Variants in TTC7B observed in about 807,000 individuals in gnomAD.
TTC7B encodes the protein tetratricopeptide repeat protein 7B.
In TTC7B, 28 loss-of-function variants were observed where a neutral mutation model predicts 106.8. The ratio of observed to expected loss-of-function variants is 0.26; its 90% CI spans 0.19 to 0.36. TTC7B has a LOEUF of 0.36. Among genes scored for constraint, TTC7B ranks in the 10% least tolerant of loss-of-function variants. The probability of loss-of-function intolerance (pLI) is 1.00; values close to 1 mark genes in which losing one functional copy is unlikely to be tolerated. For missense variants in TTC7B, 862 were observed against 1,076.4 expected (o/e 0.80, Z 2.79); for synonymous variants, 405 against 430.6 (o/e 0.94, Z 0.74).
intron 6 of TTC7B, among the ~76,000 whole-genome samples, chr14:90,694,879 C>T (rs1280341852): frequency 1.7e-5 from 1 of 57,826 alleles, no homozygotes; most frequent in Non-Finnish European, 3.7e-5. Context: ...AAATATATGT[C>T]ACATATATTT....
At chr14:90,726,659 A>T (rs1385982602) in intron 5 of TTC7B, among the ~76,000 whole-genome samples, 1 of 152,150 alleles carries the variant, frequency 6.6e-6, no homozygotes, top group African/African-American at 2.4e-5. Context: ...CAGATAAAGA[A>T]CCTGAGACTC....
At chr14:90,683,785 C>T (rs1308134896) in intron 7 of TTC7B, among the ~76,000 whole-genome samples, 1 of 152,124 alleles carries the variant, frequency 6.6e-6, no homozygotes, top group Non-Finnish European at 1.5e-5. Flanking sequence ...TCCACAACTC[C>T]AAGGTGGGCT....
At position 90,573,549 on chromosome 14, in the gene TTC7B, TCCGGC is replaced by T. The variant is rs1306732555; in HGVS notation, c.2310+4552_2310+4556del. Among the ~76,000 whole-genome samples the T allele has an allele frequency of 1.3e-3, 121 of 89,656 alleles. 1 individual carries two copies. The highest frequency in any genetic ancestry group is 5.8e-3 in the African/African-American group (112 of 19,384). The allele number at this position is 89,656 out of a possible 152,430, so 58.8% of individuals were successfully genotyped here. A position where few individuals can be genotyped will look rare whatever the true frequency, so the allele number is the denominator to read the frequency against. On this transcript the variant is annotated intron_variant, in intron 19 of 19. Coordinates refer to ENST00000328459, the MANE Select transcript of TTC7B (RefSeq NM_001010854.2). ...GGTCTCTCTCAGCTCACGGTCCCTCTCCGGCTCACGGTCCCTCTCCGGCTCACGGT... is the reference window on the plus strand; with the variant it reads ...GGTCTCTCTCAGCTCACGGTCCCTCTTCACGGTCCCTCTCCGGCTCACGGT...
chr14:90,678,184 T>G (rs548803105), intron 8 of TTC7B, among the ~76,000 whole-genome samples: 1 of 152,342 alleles, frequency 6.6e-6, no homozygotes, highest in Non-Finnish European at 1.5e-5. Context: ...ATATAGAACC[T>G]CAAACAGACC....
chr14:90,583,013 A>G (rs1891564487), intron 18 of TTC7B, among the ~76,000 whole-genome samples: 1 of 152,224 alleles, frequency 6.6e-6, no homozygotes, highest in South Asian at 2.1e-4. Flanking sequence ...GAACGAGGCC[A>G]CAAGTATTGA....
Position 90,786,283 on chromosome 14 carries a change from T to A in TTC7B, c.167A>T (p.Tyr56Phe). The A allele has an allele frequency of 1.9e-6, 3 of 1,613,368 alleles. No individual in the cohort carries two copies. The highest frequency in any genetic ancestry group is 2.5e-6 in the Non-Finnish European group (3 of 1,179,712). ...LLLGESKLEQ[Y>F]LKEHPLRQGA... is the part of the protein sequence containing the mutation. ...CTGCCTCAGGGGGTGTTCCTTCAGG[T>A]ACTGCTCCAGCTTCGACTCCCCGAG... Residue 56 changes from tyrosine (Y) to phenylalanine (F), a missense_variant, in exon 2 of 20, where the codon TAC becomes TTC. Tyr to Phe is a conservative substitution (Grantham distance 22). Coordinates refer to ENST00000328459, the MANE Select transcript of TTC7B (RefSeq NM_001010854.2).
chr14:90,609,686 C>A (rs549522851), intron 17 of TTC7B, among the ~76,000 whole-genome samples: 1 of 152,266 alleles, frequency 6.6e-6, no homozygotes, highest in South Asian at 2.1e-4. Flanking sequence ...CAGTTGTACA[C>A]GGTCCCCTGT....
rs1889562091 is a variant in TTC7B at position 90,541,173 on chromosome 14, G to A, written c.*195C>T. ...TAGGTTCAGAAACTACCATTGGGCT[G>A]GCAAAAAAAACAAGAGAAACGCACA... On this transcript the variant is annotated 3_prime_UTR_variant, in exon 20 of 20. Coordinates refer to ENST00000328459, the MANE Select transcript of TTC7B (RefSeq NM_001010854.2). 2 of 491,736 alleles carry A rather than the reference G, an allele frequency of 4.1e-6. No individual in the cohort carries two copies. The highest frequency in any genetic ancestry group is 7.2e-6 in the Non-Finnish European group (2 of 278,736). 30.5% of individuals were successfully genotyped at this position (491,736 alleles called of 1,614,324 possible).
At chr14:90,656,905 T>C (rs911231730) in intron 11 of TTC7B, among the ~76,000 whole-genome samples, 7 of 152,230 alleles carry the variant, frequency 4.6e-5, no homozygotes, top group Admixed American at 2.0e-4. Context: ...GTATGAATTA[T>C]AATTCTGTCT....
At chr14:90,793,395 G>A (rs1051570253) in intron 1 of TTC7B, among the ~76,000 whole-genome samples, 2 of 150,772 alleles carry the variant, frequency 1.3e-5, no homozygotes, top group Non-Finnish European at 3.0e-5. Flanking sequence ...GTGGTGGCAG[G>A]TGCCTGTAAT....
At chr14:90,547,599 C>T (rs751890409) in intron 19 of TTC7B, among the ~76,000 whole-genome samples, 4 of 152,100 alleles carry the variant, frequency 2.6e-5, no homozygotes, top group African/African-American at 4.8e-5. Context: ...AGTTCGAGAC[C>T]GACCTGGGCA....
At chr14:90,603,826 T>C (rs1331307132) in intron 17 of TTC7B, among the ~76,000 whole-genome samples, 1 of 152,202 alleles carries the variant, frequency 6.6e-6, no homozygotes, top group Non-Finnish European at 1.5e-5. Flanking sequence ...GTCAGTATGT[T>C]TTCCCCCCTC....
intron 15 of TTC7B, among the ~76,000 whole-genome samples, chr14:90,626,190 C>T (rs976858291): frequency 2.6e-5 from 4 of 152,232 alleles, no homozygotes. Context: ...GGGAAGAGTT[C>T]TCACAGTCCC....
At chr14:90,768,357 G>GGAGA (rs142344466) in intron 3 of TTC7B, among the ~76,000 whole-genome samples, 1 of 151,012 alleles carries the variant, frequency 6.6e-6, no homozygotes, top group Non-Finnish European at 1.5e-5. Context: ...AGGCAGTGGG[G>GGAGA]GAGAGAGAGA....
In TTC7B at chr14:90,749,308, C is replaced by T. The variant is rs147080766; in HGVS notation, c.446-4386G>A. Among the ~76,000 whole-genome samples the T allele has an allele frequency of 2.0e-3, 299 of 152,218 alleles. 5 individuals carry two copies. The highest frequency in any genetic ancestry group is 7.0e-3 in the African/African-American group (291 of 41,552). On this transcript the variant is annotated intron_variant, in intron 3 of 19. Transcript: ENST00000328459. Reference sequence around the variant, plus strand: ...CTTCAAAAATGTTTATGTCACCCTCCTCCTTCCTTAGGGGACTTTACGCAC... The same window carrying T: ...CTTCAAAAATGTTTATGTCACCCTCTTCCTTCCTTAGGGGACTTTACGCAC...
At chr14:90,568,103 C>T (rs1890875149) in intron 19 of TTC7B, among the ~76,000 whole-genome samples, 2 of 152,302 alleles carry the variant, frequency 1.3e-5, no homozygotes, top group South Asian at 2.1e-4. Context: ...CACAGAATGC[C>T]ACATTCTGAG....
At chr14:90,703,995 T>C (rs1888105138) in intron 5 of TTC7B, among the ~76,000 whole-genome samples, 1 of 152,170 alleles carries the variant, frequency 6.6e-6, no homozygotes, top group East Asian at 1.9e-4. Flanking sequence ...GTGAGCCATC[T>C]GGGAACATGG....
Position 90,760,741 on chromosome 14 carries a change from T to C in TTC7B, c.446-15819A>G, listed in dbSNP as rs139355655. 7.5e-3 allele frequency among the ~76,000 whole-genome samples: 1,140 copies of C among 152,324 alleles called. 10 individuals are homozygous for C. The highest frequency in any genetic ancestry group is 0.026 in the African/African-American group (1,087 of 41,564). The stretch of plus-strand genomic sequence containing the variant: ...CTGGGGCCTTGCAGGGCCCAGCCTC[T>C]AGCCATGCCCTCCAAATGAGCTTCA... On this transcript the variant is annotated intron_variant, in intron 3 of 19. Transcript: ENST00000328459.
intron 11 of TTC7B, among the ~76,000 whole-genome samples, chr14:90,656,648 C>T (rs1885958346): frequency 6.6e-6 from 1 of 152,096 alleles, no homozygotes; most frequent in African/African-American, 2.4e-5. Context: ...AAAAAATTAG[C>T]CGGGTGCAGT....
Sources: gnomAD v4.1 joint callset for allele counts (sites outside exome capture counted in the v4.1 genomes callset) on GRCh38, gnomAD v4.1.1 for gene constraint, MANE v1.5 for transcripts, NCBI Gene and HGNC (gene_info 2026-07-23, HGNC 2026-07-21) for gene names.